The following ZNF366 variants were observed in gnomAD, a reference collection of about 807,000 sequenced individuals.
The protein encoded by ZNF366 is zinc finger protein 366.
Under a neutral mutation model 47.2 loss-of-function variants are expected in ZNF366, and 20 were observed. The ratio of observed to expected loss-of-function variants is 0.42; its 90% CI spans 0.30 to 0.62. The LOEUF (loss-of-function observed/expected upper bound fraction) is 0.62. Among genes scored for constraint, ZNF366 ranks in the 20% least tolerant of loss-of-function variants. ZNF366 has a pLI of 0.16. For missense variants in ZNF366, 987 were observed against 976.3 expected (o/e 1.01, Z -0.15); for synonymous variants, 421 against 395.1 (o/e 1.07, Z -0.78).
intron 1 of ZNF366, among the ~76,000 whole-genome samples, chr5:72,506,352 A>G (rs1172220473): frequency 6.6e-6 from 1 of 152,210 alleles, no homozygotes; most frequent in Non-Finnish European, 1.5e-5. Context: ...GGTGCTGGTA[A>G]CATTATCCTT....
chr5:72,505,826 G>A (rs966391421), intron 1 of ZNF366, among the ~76,000 whole-genome samples: 2 of 152,200 alleles, frequency 1.3e-5, no homozygotes, highest in African/African-American at 2.4e-5. Context: ...AGGGGAGGTG[G>A]TAGGGTAGCA....
chr5:72,502,226 C>T (rs1370190541), intron 1 of ZNF366, among the ~76,000 whole-genome samples: 1 of 152,230 alleles, frequency 6.6e-6, no homozygotes, highest in Admixed American at 6.5e-5. Flanking sequence ...CCTCATGCTG[C>T]TTCCTTTCTT....
Position 72,461,528 on chromosome 5 carries a change from C to G in ZNF366, c.-14-18G>C, listed in dbSNP as rs778460428. On this transcript the variant is annotated intron_variant, in intron 1 of 4. Coordinates refer to ENST00000318442, the MANE Select transcript of ZNF366 (RefSeq NM_152625.3). ...CAATTTTCCTTTAAAGAGAAAGAAA[C>G]TTGTGTGTTTTGGTTTGGTTTTGTT... 1 of 1,520,576 alleles carries G rather than the reference C, an allele frequency of 6.6e-7. No individual in the cohort carries two copies. Among genetic ancestry groups the G allele is most frequent in the East Asian group, 2.3e-5 (1 of 44,022 alleles). 94.2% of individuals were successfully genotyped at this position (1,520,576 alleles called of 1,614,324 possible).
chr5:72,488,375 G>GA (rs1344065285), intron 1 of ZNF366, among the ~76,000 whole-genome samples: 8 of 151,936 alleles, frequency 5.3e-5, no homozygotes, highest in Non-Finnish European at 2.9e-5. Flanking sequence ...TGTTTTGGGT[G>GA]AAAAAAATAG....
rs188529228 is a variant in ZNF366 at position 72,450,899 on chromosome 5, A to T, written c.1525-3482T>A. ...CCAGAGAAAGAGGATGGGGCCAGTGAATCACAGTGCTCTTGGGTGGAGCCT... is the reference window on the plus strand; with the variant it reads ...CCAGAGAAAGAGGATGGGGCCAGTGTATCACAGTGCTCTTGGGTGGAGCCT... On this transcript the variant is annotated intron_variant, in intron 3 of 4. Transcript: ENST00000318442. Among the ~76,000 whole-genome samples, 32 of 152,348 alleles carry T rather than the reference A, an allele frequency of 2.1e-4. 1 individual carries two copies. Among genetic ancestry groups the T allele is most frequent in the Middle Eastern group, 3.4e-3 (1 of 294 alleles).
chr5:72,456,309 C>T (rs1391427617), intron 3 of ZNF366, 95 bp downstream of exon 3: 3 of 1,390,834 alleles, frequency 2.2e-6, no homozygotes, highest in African/African-American at 1.4e-5. Context: ...GCCCCCGTAG[C>T]CCCACTGATG....
intron 1 of ZNF366, among the ~76,000 whole-genome samples, chr5:72,470,866 C>T: frequency 6.6e-6 from 1 of 152,230 alleles, no homozygotes. Flanking sequence ...TGGATGGCCC[C>T]TGCTTCATCC....
chr5:72,450,804 G>T (rs1489045231), intron 3 of ZNF366, among the ~76,000 whole-genome samples: 1 of 152,146 alleles, frequency 6.6e-6, no homozygotes, highest in Non-Finnish European at 1.5e-5. Context: ...AAACACCCAA[G>T]TGTATGGAGA....
intron 1 of ZNF366, among the ~76,000 whole-genome samples, chr5:72,495,072 G>T (rs1034892339): frequency 6.6e-6 from 1 of 152,050 alleles, no homozygotes. Flanking sequence ...ATTGATGTTG[G>T]CTTGTGGGGA....
intron 3 of ZNF366, among the ~76,000 whole-genome samples, chr5:72,449,059 G>A (rs1242968074): frequency 1.3e-5 from 2 of 152,150 alleles, no homozygotes; most frequent in Admixed American, 1.3e-4. Flanking sequence ...GGAAAAGGAT[G>A]ACAGAATTGG....
intron 4 of ZNF366, among the ~76,000 whole-genome samples, chr5:72,444,866 G>C (rs1742929421): frequency 6.6e-6 from 1 of 151,970 alleles, no homozygotes. Flanking sequence ...TTTGGAAGGA[G>C]GGATGTCAAA....
At chr5:72,495,069 T>C (rs528996861) in intron 1 of ZNF366, among the ~76,000 whole-genome samples, 8 of 152,148 alleles carry the variant, frequency 5.3e-5, no homozygotes, top group Non-Finnish European at 1.0e-4. Context: ...CTCATTGATG[T>C]TGGCTTGTGG....
intron 1 of ZNF366, among the ~76,000 whole-genome samples, chr5:72,463,990 T>A (rs1329250694): frequency 6.6e-6 from 1 of 152,200 alleles, no homozygotes; most frequent in African/African-American, 2.4e-5. Context: ...ATAAATTTCT[T>A]TTAGTAGAAA....
intron 3 of ZNF366, among the ~76,000 whole-genome samples, chr5:72,451,261 G>A (rs1302232050): frequency 2.6e-5 from 4 of 152,258 alleles, no homozygotes; most frequent in Admixed American, 6.5e-5. Context: ...AAGGAACACC[G>A]TCAGTGTGTC....
intron 1 of ZNF366, among the ~76,000 whole-genome samples, chr5:72,487,933 C>A (rs780624669): frequency 1.3e-5 from 2 of 151,980 alleles, no homozygotes; most frequent in East Asian, 3.9e-4. Context: ...GTACTGGGTG[C>A]GGTGGCTCAC....
At chr5:72,476,103 A>C (rs1679489658) in intron 1 of ZNF366, among the ~76,000 whole-genome samples, 1 of 152,052 alleles carries the variant, frequency 6.6e-6, no homozygotes, top group South Asian at 2.1e-4. Flanking sequence ...TCATATGTTT[A>C]TTATCTGACT....
intron 1 of ZNF366, among the ~76,000 whole-genome samples, chr5:72,490,488 G>T (rs1561203507): frequency 6.6e-6 from 1 of 152,150 alleles, no homozygotes; most frequent in Non-Finnish European, 1.5e-5. Flanking sequence ...GCTCCCCTGG[G>T]AGAGGAGACA....
rs1742977707 is a variant in ZNF366, at chr5:72,447,256, G to A, written c.1686C>T (p.Gly562=). Residue 562 remains glycine (G), a synonymous_variant, in exon 4 of 5, where the codon GGC becomes GGT. Coordinates refer to ENST00000318442, the MANE Select transcript of ZNF366 (RefSeq NM_152625.3). ...AAGAGTGATTACCTTGGGAATGAAGGCCCCGCTCCATGACTCCATGCTTGA... is the reference window on the plus strand; with the variant it reads ...AAGAGTGATTACCTTGGGAATGAAGACCCCGCTCCATGACTCCATGCTTGA... ...MKVKHGVMER[G]LHSQGLGRGR... is the part of the protein sequence containing the mutation. 6.2e-7 allele frequency: 1 copy of A among 1,614,126 alleles called. No homozygotes were observed. The highest frequency in any genetic ancestry group is 2.2e-5 in the East Asian group (1 of 44,882).
chr5:72,440,339 G>A lies in ZNF366; in HGVS notation c.*3417C>T, dbSNP rs1742829975. On this transcript the variant is annotated 3_prime_UTR_variant, in exon 5 of 5. Coordinates refer to ENST00000318442, the MANE Select transcript of ZNF366 (RefSeq NM_152625.3). The stretch of plus-strand genomic sequence containing the variant: ...AGTCAAATTTTTAAAAAGAGAGACA[G>A]AAAGAGGAATTGAAAGGTAACATGA... The A allele has an allele frequency of 6.6e-6, 1 of 152,062 alleles. No homozygotes were observed. Among genetic ancestry groups the A allele is most frequent in the South Asian group, 2.1e-4 (1 of 4,820 alleles). 9.4% of individuals were successfully genotyped at this position (152,062 alleles called of 1,614,324 possible).
Sources: allele counts gnomAD v4.1 joint callset (sites outside exome capture counted in the v4.1 genomes callset), GRCh38; gene constraint gnomAD v4.1.1; transcripts MANE v1.5; gene names NCBI Gene and HGNC (gene_info 2026-07-23, HGNC 2026-07-21).